Variants in AKR1E2 observed in about 807,000 individuals in gnomAD.
The protein encoded by AKR1E2 is 1,5-anhydro-D-fructose reductase.
AKR1E2 carries 43 observed loss-of-function variants against 41.9 expected under a neutral mutation model. The ratio of observed to expected loss-of-function variants is 1.03; its 90% confidence interval spans 0.80 to 1.32. The LOEUF is 1.32. Among genes scored for constraint, AKR1E2 ranks in the 40% most tolerant of loss-of-function variants. AKR1E2 has a pLI of 0.00. For missense variants in AKR1E2, 423 were observed against 396.5 expected, an observed-to-expected ratio of 1.07 and a Z score of -0.57; for synonymous variants, 121 against 138.9, an observed-to-expected ratio of 0.87 and a Z score of 0.91.
intron 8 of AKR1E2, among the ~76,000 whole-genome samples, chr10:4,843,757 G>A (rs1417904331): frequency 6.6e-6 from 1 of 152,244 alleles, no homozygotes; most frequent in Non-Finnish European, 1.5e-5. Flanking sequence ...GGGATGGGCA[G>A]GTTCCTCATG....
chr10:4,868,471 C>T, the AKR1E2 span, among the ~76,000 whole-genome samples: 760 of 152,258 alleles, frequency 5.0e-3, 8 homozygotes, highest in African/African-American at 0.018. Context: ...GACATAAGCC[C>T]GTGGAATTTT....
At position 4,847,541 on chromosome 10, in the gene AKR1E2, C is replaced by G. The variant is rs1168951643; in HGVS notation, c.*11C>G. ...CACATAGAATACTGAGGACGCTTCCCCTTCCTTGTTTCTGCTCAGCCCAGA... is the reference window on the plus strand; with the variant it reads ...CACATAGAATACTGAGGACGCTTCCGCTTCCTTGTTTCTGCTCAGCCCAGA... On this transcript the variant is annotated 3_prime_UTR_variant, in exon 10 of 10. Transcript: ENST00000298375. 1.2e-6 allele frequency: 2 copies of G among 1,613,500 alleles called. No homozygotes were observed. The highest frequency in any genetic ancestry group is 1.7e-6 in the Non-Finnish European group (2 of 1,179,688).
upstream of AKR1E2, chr10:4,826,187 C>A: frequency 3.3e-6 from 2 of 598,676 alleles, no homozygotes; most frequent in Non-Finnish European, 4.9e-6. Context: ...ATGCTTCCAG[C>A]CATTGTCGGA....
chr10:4,827,045 C>T (rs1832581019), intron 1 of AKR1E2, among the ~76,000 whole-genome samples: 1 of 144,424 alleles, frequency 6.9e-6, no homozygotes, highest in South Asian at 2.2e-4. Flanking sequence ...CACTGCACTC[C>T]AGCCTTGGGG....
chr10:4,832,997 G>A lies in AKR1E2; in HGVS notation c.208-353G>A, dbSNP rs116966679. On this transcript the variant is annotated intron_variant, in intron 2 of 9. Coordinates refer to ENST00000298375, the MANE Select transcript of AKR1E2 (RefSeq NM_001040177.3). ...CTGTGTAAGTGAGAAACACAAGATA[G>A]AGATTCTTCTGATTTTTCGTCATAT... 4.2e-3 allele frequency among the ~76,000 whole-genome samples: 644 copies of A among 152,324 alleles called. 2 individuals are homozygous for A. The highest frequency in any genetic ancestry group is 0.01 in the Middle Eastern group (3 of 294).
the AKR1E2 span, among the ~76,000 whole-genome samples, chr10:4,854,704 G>A: frequency 6.6e-6 from 1 of 152,150 alleles, no homozygotes; most frequent in Non-Finnish European, 1.5e-5. Flanking sequence ...GGTAAGTGGG[G>A]TGTGTATACC....
chr10:4,841,225 T>G (rs1276991502), intron 6 of AKR1E2, among the ~76,000 whole-genome samples: 1 of 152,106 alleles, frequency 6.6e-6, no homozygotes, highest in Non-Finnish European at 1.5e-5. Flanking sequence ...GGGTGATGGC[T>G]CAGTACACAC....
At chr10:4,865,019 A>G in the AKR1E2 span, among the ~76,000 whole-genome samples, 1 of 152,312 alleles carries the variant, frequency 6.6e-6, no homozygotes, top group East Asian at 1.9e-4. Flanking sequence ...AAACTACAGA[A>G]AAATTAGAAA....
chr10:4,832,876 A>T (rs1833090261), intron 2 of AKR1E2, among the ~76,000 whole-genome samples: 1 of 152,172 alleles, frequency 6.6e-6, no homozygotes. Flanking sequence ...GTGGAAGGAG[A>T]TAGCTAAAAG....
the AKR1E2 span, among the ~76,000 whole-genome samples, chr10:4,863,411 A>G: frequency 1.3e-5 from 2 of 152,186 alleles, no homozygotes; most frequent in African/African-American, 4.8e-5. Context: ...TTTGAAACCA[A>G]CGAGAACAAA....
At chr10:4,857,634 G>A in the AKR1E2 span, among the ~76,000 whole-genome samples, 12 of 151,860 alleles carry the variant, frequency 7.9e-5, no homozygotes, top group Admixed American at 5.9e-4. Flanking sequence ...AGACTAATAC[G>A]TACTCCATAA....
At chr10:4,847,262 G>A (rs1339332726) in intron 9 of AKR1E2, 32 bp downstream of exon 9, 1 of 1,613,084 alleles carries the variant, frequency 6.2e-7, no homozygotes, top group Admixed American at 1.7e-5. Context: ...TAAAACAGAG[G>A]GAAGAATATA....
the AKR1E2 span, among the ~76,000 whole-genome samples, chr10:4,853,130 A>T: frequency 1.3e-5 from 2 of 152,354 alleles, no homozygotes; most frequent in South Asian, 2.1e-4. Context: ...TGTAGCATAT[A>T]GTAACCAGAG....
the AKR1E2 span, among the ~76,000 whole-genome samples, chr10:4,870,312 A>G: frequency 6.6e-6 from 1 of 152,088 alleles, no homozygotes; most frequent in African/African-American, 2.4e-5. Context: ...TCAATTGCCA[A>G]ACATCATTTA....
chr10:4,850,742 G>A (rs774460516), downstream of AKR1E2, among the ~76,000 whole-genome samples: 3 of 152,088 alleles, frequency 2.0e-5, no homozygotes, highest in Non-Finnish European at 4.4e-5. Context: ...TATGTCTTTG[G>A]TGAAATCCCC....
upstream of AKR1E2, chr10:4,826,065 G>C: frequency 2.6e-6 from 1 of 390,742 alleles, no homozygotes; most frequent in Non-Finnish European, 4.5e-6. Flanking sequence ...CAGCCATTTG[G>C]GACTCCAGCT....
At chr10:4,848,288 A>G (rs1834458860), downstream of AKR1E2, among the ~76,000 whole-genome samples, 1 of 152,206 alleles carries the variant, frequency 6.6e-6, no homozygotes, top group Non-Finnish European at 1.5e-5. Flanking sequence ...CATAGCGGAG[A>G]TGAAATACAG....
upstream of AKR1E2, among the ~76,000 whole-genome samples, chr10:4,825,841 G>A (rs1449700044): frequency 6.6e-6 from 1 of 152,194 alleles, no homozygotes; most frequent in East Asian, 1.9e-4. Flanking sequence ...AAGACTCTCT[G>A]CCCATCAACC....
the AKR1E2 span, among the ~76,000 whole-genome samples, chr10:4,859,894 G>T: frequency 6.6e-6 from 1 of 152,206 alleles, no homozygotes; most frequent in Non-Finnish European, 1.5e-5. Flanking sequence ...GCATGTGCAG[G>T]TGCCATTTGG....
Sources: gnomAD v4.1 joint callset for allele counts (sites outside exome capture counted in the v4.1 genomes callset) on GRCh38, gnomAD v4.1.1 for gene constraint, MANE v1.5 for transcripts, NCBI Gene and HGNC (gene_info 2026-07-23, HGNC 2026-07-21) for gene names.